PTH1R: variants seen among roughly 807,000 people sequenced by gnomAD.
PTH1R encodes the protein parathyroid hormone/parathyroid hormone-related peptide receptor.
In PTH1R, 32 loss-of-function variants were observed where a neutral mutation model predicts 70.7. The ratio of observed to expected loss-of-function variants is 0.45; its 90% confidence interval spans 0.34 to 0.61. The LOEUF is 0.61. PTH1R is among the 20% of genes least tolerant of loss of function. PTH1R has a pLI of 0.01. For synonymous variants in PTH1R, 329 were observed against 324.8 expected (o/e 1.01, Z -0.14); for missense variants, 626 against 792.5 (o/e 0.79, Z 2.52).
chr3:46,898,065 G>A lies in PTH1R; in HGVS notation c.425-9G>A, dbSNP rs1382315577. 1.9e-6 allele frequency: 3 copies of A among 1,614,136 alleles called. No individual in the cohort carries two copies. In the East Asian group the frequency reaches 6.7e-5, roughly 36 times the overall value. ...TCCCTGCCGGCCCTGACCTCCCATG[G>A]ACCTGCAGGCCATGCCTACCGACGC... On this transcript the variant is annotated splice_polypyrimidine_tract_variant and intron_variant, in intron 6 of 15. Coordinates refer to ENST00000449590, the MANE Select transcript of PTH1R (RefSeq NM_000316.3).
In PTH1R at chr3:46,879,317, C is replaced by A. The variant is rs2030414490; in HGVS notation, c.-106+1474C>A. On this transcript the variant is annotated intron_variant, in intron 1 of 15. Coordinates refer to ENST00000449590, the MANE Select transcript of PTH1R (RefSeq NM_000316.3). This position sits in a 1 kb window ranked among gnomAD's most constrained non-coding sequence, Gnocchi z 4.7. The stretch of plus-strand genomic sequence containing the variant: ...CCTGGTGTCAGATCTGAAAAGAACT[C>A]CTCCCCTCAGCCTCTAGTTTTATCT... Among the ~76,000 whole-genome samples, 1 of 152,240 alleles carries A rather than the reference C, an allele frequency of 6.6e-6. No individual in the cohort carries two copies.
rs1380795097 is a variant in PTH1R at position 46,896,412 on chromosome 3, G to A, written c.313+543G>A. ...GGCAGAGGGTGGGGCCAGAGGCAGT[G>A]GGACAAGGAGGGGAGAAGAGAAGGG... On this transcript the variant is annotated intron_variant, in intron 5 of 15. Transcript: ENST00000449590. This position sits in a 1 kb window ranked among gnomAD's most constrained non-coding sequence, Gnocchi z 4.1. Among the ~76,000 whole-genome samples, 1 of 152,126 alleles carries A rather than the reference G, an allele frequency of 6.6e-6. No individual in the cohort carries two copies. Among genetic ancestry groups the A allele is most frequent in the African/African-American group, 2.4e-5 (1 of 41,412 alleles).
intron 4 of PTH1R, among the ~76,000 whole-genome samples, chr3:46,895,022 T>C (rs529432025): frequency 6.9e-6 from 1 of 143,934 alleles, no homozygotes; most frequent in Admixed American, 7.3e-5. Context: ...TGTGATCATG[T>C]CACTGCACTC....
In PTH1R at chr3:46,883,539, A is replaced by T; in HGVS notation, c.-21A>T. The T allele has an allele frequency of 1.3e-6, 2 of 1,510,468 alleles. No homozygotes were observed. Among genetic ancestry groups the T allele is most frequent in the Non-Finnish European group, 1.8e-6 (2 of 1,134,836 alleles). 93.6% of individuals were successfully genotyped at this position (1,510,468 alleles called of 1,614,324 possible). On this transcript the variant is annotated 5_prime_UTR_variant, in exon 3 of 16. Transcript: ENST00000449590. This position sits in a 1 kb window ranked among gnomAD's most constrained non-coding sequence, Gnocchi z 6.4. ...CCGGCGGCGGCGGCTGCCCCGAGGG[A>T]CGCGGCCCTAGGCGGTGGCGATGGG...
intron 3 of PTH1R, among the ~76,000 whole-genome samples, chr3:46,885,608 T>C (rs1212780792): frequency 1.3e-5 from 2 of 152,236 alleles, no homozygotes; most frequent in Middle Eastern, 3.2e-3. Flanking sequence ...GGCTTTGCCC[T>C]GGCCCATGTC....
At chr3:46,880,031 CAAAAA>C (rs889495536) in intron 1 of PTH1R, among the ~76,000 whole-genome samples, 1 of 152,066 alleles carries the variant, frequency 6.6e-6, no homozygotes, top group African/African-American at 2.4e-5. Context: ...AGCCCTGTCT[CAAAAA>C]AGAAAAGAAA....
chr3:46,881,746 A>AGCAGCCAAGCCGGGCTCGGGGCTG (rs1205763361), intron 2 of PTH1R, among the ~76,000 whole-genome samples: 9 of 151,548 alleles, frequency 5.9e-5, no homozygotes, highest in African/African-American at 2.2e-4. Flanking sequence ...GGAGGGCGGC[A>AGCAGCCAAGCCGGGCTCGGGGCTG]GCAGCCAAGC....
chr3:46,892,751 C>T lies in PTH1R; in HGVS notation c.76-1156C>T, dbSNP rs1311075475. The T allele has an allele frequency of 1.9e-5, 19 of 985,686 alleles. No homozygotes were observed. In the East Asian group the frequency reaches 7.9e-4, roughly 41 times the overall value. The allele number at this position is 985,686 out of a possible 1,614,324, so 61.1% of individuals were successfully genotyped here. A position where few individuals can be genotyped will look rare whatever the true frequency, so the allele number is the denominator to read the frequency against. ...CCATGCTCGGACTGCAGGGCCCCGG[C>T]CCCGCCTTGGCGCGTCTGAAGGATG... On this transcript the variant is annotated intron_variant, in intron 3 of 15. Transcript: ENST00000449590. The surrounding 1 kb of genome is among the most constrained non-coding windows in gnomAD (Gnocchi z 5.2).
In PTH1R at chr3:46,883,516, G is replaced by C; in HGVS notation, c.-44G>C. 9 of 1,424,918 alleles carry C rather than the reference G, an allele frequency of 6.3e-6. No homozygotes were observed. The highest frequency in any genetic ancestry group is 8.3e-6 in the Non-Finnish European group (9 of 1,086,194). 88.3% of individuals were successfully genotyped at this position (1,424,918 alleles called of 1,614,324 possible). ...TGCACCCCCTACCACCACCAGGGCC[G>C]GCGGCGGCGGCTGCCCCGAGGGACG... On this transcript the variant is annotated 5_prime_UTR_variant, in exon 3 of 16. Coordinates refer to ENST00000449590, the MANE Select transcript of PTH1R (RefSeq NM_000316.3). This position sits in a 1 kb window ranked among gnomAD's most constrained non-coding sequence, Gnocchi z 6.4.
intron 4 of PTH1R, among the ~76,000 whole-genome samples, chr3:46,895,396 G>A (rs1236877635): frequency 1.3e-5 from 2 of 152,136 alleles, no homozygotes; most frequent in Non-Finnish European, 2.9e-5. Context: ...TCACTGCTGC[G>A]TGGCCTTGGC....
At chr3:46,898,958 C>T in intron 9 of PTH1R, 101 bp downstream of exon 9, 1 of 880,996 alleles carries the variant, frequency 1.1e-6, no homozygotes, top group Non-Finnish European at 1.6e-6. Context: ...CCGCCTCCTG[C>T]CAGCGCCACT....
At chr3:46,898,908 GGCCCC>G (rs1477537846) in intron 9 of PTH1R, 51 bp downstream of exon 9, 30 of 1,307,752 alleles carry the variant, frequency 2.3e-5, no homozygotes, top group Middle Eastern at 2.0e-4. Flanking sequence ...GGCCTCGTGG[GGCCCC>G]GCCCCGCCCC....
Position 46,901,656 on chromosome 3 carries a change from G to A in PTH1R, c.1117-110G>A. The A allele has an allele frequency of 7.1e-7, 1 of 1,405,052 alleles. No individual in the cohort carries two copies. The highest frequency in any genetic ancestry group is 1.0e-6 in the Non-Finnish European group (1 of 998,464). 87.0% of individuals were successfully genotyped at this position (1,405,052 alleles called of 1,614,324 possible). On this transcript the variant is annotated intron_variant, in intron 12 of 15. Transcript: ENST00000449590. This position sits in a 1 kb window ranked among gnomAD's most constrained non-coding sequence, Gnocchi z 7.3. ...CCAGAAAGGAAAACCAAGGGCTCAA[G>A]GAGCCACCCAGAGATGCAGTGACAG...
Position 46,901,836 on chromosome 3 carries a change from G to A in PTH1R, c.1187G>A (p.Arg396Gln), listed in dbSNP as rs779171349. 12 of 1,613,742 alleles carry A rather than the reference G, an allele frequency of 7.4e-6. No individual in the cohort carries two copies. Among genetic ancestry groups the A allele is most frequent in the East Asian group, 6.7e-5 (3 of 44,890 alleles). ...ATKLRETNAG[R>Q]CDTRQQYRKL... ...AAGCTGCGGGAGACCAACGCCGGCC[G>A]GTGTGACACACGGCAGCAGTACCGG... Residue 396 changes from arginine (R) to glutamine (Q), a missense_variant, in exon 13 of 16, where the codon CGG becomes CAG. By Grantham distance (43) the Arg-to-Gln change is conservative (BLOSUM62 1). This residue lies in a region of PTH1R where 495 missense variants were observed against 638.7 expected (regional missense o/e 0.77). Coordinates refer to ENST00000449590, the MANE Select transcript of PTH1R (RefSeq NM_000316.3). The surrounding 1 kb of genome is among the most constrained non-coding windows in gnomAD (Gnocchi z 7.3).
chr3:46,898,068 C>T lies in PTH1R; in HGVS notation c.425-6C>T. ...CTGCCGGCCCTGACCTCCCATGGAC[C>T]TGCAGGCCATGCCTACCGACGCTGT... On this transcript the variant is annotated splice_region_variant and splice_polypyrimidine_tract_variant and intron_variant, in intron 6 of 15. Coordinates refer to ENST00000449590, the MANE Select transcript of PTH1R (RefSeq NM_000316.3). The T allele has an allele frequency of 1.2e-6, 2 of 1,614,162 alleles. No individual in the cohort carries two copies. Among genetic ancestry groups the T allele is most frequent in the Non-Finnish European group, 8.5e-7 (1 of 1,180,008 alleles).
chr3:46,898,986 C>A, intron 9 of PTH1R, 129 bp downstream of exon 9: 1 of 755,456 alleles, frequency 1.3e-6, no homozygotes, highest in Non-Finnish European at 2.1e-6. Context: ...GCCACTCAAA[C>A]CCGTCTTATA....
chr3:46,882,378 G>T lies in PTH1R; in HGVS notation c.-48-1134G>T, dbSNP rs2030656105. ...CGAGAGCTCCATGAAGTCCCCCCGG[G>T]GCCGCGGACGGGGCGCTGGCTTGGG... On this transcript the variant is annotated intron_variant, in intron 2 of 15. Coordinates refer to ENST00000449590, the MANE Select transcript of PTH1R (RefSeq NM_000316.3). The surrounding 1 kb of genome is among the most constrained non-coding windows in gnomAD (Gnocchi z 4.3). 6.6e-6 allele frequency: 1 copy of T among 151,818 alleles called. No homozygotes were observed. Among genetic ancestry groups the T allele is most frequent in the African/African-American group, 2.4e-5 (1 of 41,368 alleles). 9.4% of individuals were successfully genotyped at this position (151,818 alleles called of 1,614,324 possible).
chr3:46,898,793 C>G lies in PTH1R; in HGVS notation c.770C>G (p.Thr257Ser). 6.3e-7 allele frequency: 1 copy of G among 1,597,378 alleles called. No homozygotes were observed. The highest frequency in any genetic ancestry group is 8.5e-7 in the Non-Finnish European group (1 of 1,176,464). ...GATLDEAERL[T>S]EEELRAIAQA... ...ACGCTTGATGAGGCTGAGCGCCTCA[C>G]CGAGGAGGAGCTGCGCGCCATCGCC... The change falls in exon 9 of 16, where the codon ACC becomes AGC. Residue 257 changes from threonine to serine, a missense_variant. Around this residue, in one of 3 missense-constraint regions of PTH1R, gnomAD observed 495 missense variants for 638.7 expected, o/e 0.77. Transcript: ENST00000449590.
rs919998110 is a variant in PTH1R, at chr3:46,895,019, A to C, written c.179-716A>C. Among the ~76,000 whole-genome samples the C allele has an allele frequency of 1.3e-4, 19 of 146,436 alleles. 1 individual carries two copies. The highest frequency in any genetic ancestry group is 1.1e-3 in the Admixed American group (16 of 14,326). On this transcript the variant is annotated intron_variant, in intron 4 of 15. Transcript: ENST00000449590. ...TTTGAGGCTGCAGTAATTTGTGATC[A>C]TGTCACTGCACTCCAGGCTGGGCGA...
Sources: allele counts gnomAD v4.1 joint callset (sites outside exome capture counted in the v4.1 genomes callset), GRCh38; gene constraint gnomAD v4.1.1; regional missense constraint gnomAD v4.1.1; non-coding constraint Gnocchi (gnomAD v3.1); transcripts MANE v1.5; gene names NCBI Gene and HGNC (gene_info 2026-07-23, HGNC 2026-07-21).